Variants in ARHGEF40 observed in about 807,000 individuals in gnomAD.
The protein encoded by ARHGEF40 is Rho guanine nucleotide exchange factor 40.
Under a neutral mutation model 165.9 loss-of-function variants are expected in ARHGEF40, and 98 were observed. The ratio of observed to expected loss-of-function variants is 0.59; its 90% CI spans 0.50 to 0.70. ARHGEF40 has a LOEUF of 0.70. Ranked by LOEUF, ARHGEF40 falls within the 30% of genes least tolerant of loss-of-function variation. The pLI is 0.00. For synonymous variants in ARHGEF40, 792 were observed against 814.3 expected (o/e 0.97, Z 0.47); for missense variants, 1,815 against 1,968.0 (o/e 0.92, Z 1.47).
In ARHGEF40 at chr14:21,081,775, G is replaced by C. The variant is rs767294200; in HGVS notation, c.2907G>C (p.Arg969=). The C allele has an allele frequency of 1.9e-6, 3 of 1,592,244 alleles. No individual in the cohort carries two copies. Among genetic ancestry groups the C allele is most frequent in the Non-Finnish European group, 2.6e-6 (3 of 1,170,332 alleles). ...EASPRGYRRR[R]ADGASSGGAQ... ...GCCCACGGGGCTACCGACGACGGCGGGCAGACGGTGCCAGCAGTGGAGGGG... is the reference window on the plus strand; with the variant it reads ...GCCCACGGGGCTACCGACGACGGCGCGCAGACGGTGCCAGCAGTGGAGGGG... Residue 969 remains arginine, a synonymous_variant, in exon 14 of 24, where the codon CGG becomes CGC. Transcript: ENST00000298694.
At chr14:21,070,087 C>T (rs1346325131), upstream of ARHGEF40, among the ~76,000 whole-genome samples, 3 of 151,754 alleles carry the variant, frequency 2.0e-5, no homozygotes, top group African/African-American at 7.3e-5. The surrounding 1 kb of genome is among the most constrained non-coding windows in gnomAD (Gnocchi z 4.7). Flanking sequence ...AGAAGGTTGC[C>T]GGTGAACGGG....
rs1887050244 is a variant in ARHGEF40, at chr14:21,072,607, G to A, written c.4-438G>A. On this transcript the variant is annotated intron_variant, in intron 1 of 23. Transcript: ENST00000298694. The surrounding 1 kb of genome is among the most constrained non-coding windows in gnomAD (Gnocchi z 4.1). ...CCACCTAAGATGGGGAGCCCTGGAT[G>A]GTGGGTCTTATGGGAAGGGATTTGC... 1.3e-5 allele frequency among the ~76,000 whole-genome samples: 2 copies of A among 152,132 alleles called. No individual in the cohort carries two copies. Among genetic ancestry groups the A allele is most frequent in the African/African-American group, 4.8e-5 (2 of 41,422 alleles).
intron 11 of ARHGEF40, 70 bp downstream of exon 11, chr14:21,079,080 A>G: frequency 1.3e-6 from 2 of 1,540,772 alleles, no homozygotes; most frequent in Non-Finnish European, 1.8e-6. Context: ...TCCCGTTGGT[A>G]CTTATAGTTG....
At chr14:21,082,157 C>T in intron 14 of ARHGEF40, 38 bp downstream of exon 14, 1 of 1,562,702 alleles carries the variant, frequency 6.4e-7, no homozygotes. Context: ...GAGGCGGAGC[C>T]AACTGCCCAG....
chr14:21,080,707 T>C lies in ARHGEF40; in HGVS notation c.2421T>C (p.Phe807=), dbSNP rs1446558240. ...CAGGGGAGGAGCAGCTGGCAAGCTT[T>C]GCTATGCCTGGGGACACCTTGTCTG... ...SGPGEEQLAS[F]AMPGDTLSAL... The change falls in exon 12 of 24, where the codon TTT becomes TTC. Residue 807 remains phenylalanine, a synonymous_variant. Coordinates refer to ENST00000298694, the MANE Select transcript of ARHGEF40 (RefSeq NM_018071.5). 1 of 1,612,274 alleles carries C rather than the reference T, an allele frequency of 6.2e-7. No homozygotes were observed. Among genetic ancestry groups the C allele is most frequent in the East Asian group, 2.2e-5 (1 of 44,858 alleles).
At position 21,084,017 on chromosome 14, in the gene ARHGEF40, C is replaced by G. The variant is rs775615775; in HGVS notation, c.3756C>G (p.Asp1252Glu). Residue 1252 changes from aspartate (D) to glutamate (E), a missense_variant, in exon 17 of 24, where the codon GAC becomes GAG. By Grantham distance (45) the Asp-to-Glu change is conservative. Coordinates refer to ENST00000298694, the MANE Select transcript of ARHGEF40 (RefSeq NM_018071.5). Reference sequence around the variant, plus strand: ...GGGAACAAGAGGCCCGTGGCAGAGACCTGCTGGCCGTGGAGGCGGTGCGTG... The same window carrying G: ...GGGAACAAGAGGCCCGTGGCAGAGAGCTGCTGGCCGTGGAGGCGGTGCGTG... ...LLREQEARGRDLLAVEAVRGC... is the reference protein window; with the variant it reads ...LLREQEARGRELLAVEAVRGC... The G allele has an allele frequency of 1.9e-6, 3 of 1,611,768 alleles. No homozygotes were observed. In the Admixed American group the frequency reaches 5.0e-5, roughly 27 times the overall value.
In ARHGEF40 at chr14:21,082,339, C is replaced by A. The variant is rs754393228; in HGVS notation, c.3347C>A (p.Thr1116Lys). 1 of 1,612,550 alleles carries A rather than the reference C, an allele frequency of 6.2e-7. No homozygotes were observed. The highest frequency in any genetic ancestry group is 2.2e-5 in the East Asian group (1 of 44,888). ...GTGCCACCCCCTGGGCCTGAGCTGACGCCTGAACTTCGGGGCACCTGGGCT... is the reference window on the plus strand; with the variant it reads ...GTGCCACCCCCTGGGCCTGAGCTGAAGCCTGAACTTCGGGGCACCTGGGCT... ...EPVPPPGPEL[T>K]PELRGTWAAA... The change falls in exon 15 of 24, where the codon ACG becomes AAG. Residue 1116 changes from threonine (T) to lysine (K), a missense_variant. By Grantham distance (78) the Thr-to-Lys change is moderately conservative (BLOSUM62 -1). Transcript: ENST00000298694.
At chr14:21,076,041 A>G (rs1887389847) in intron 5 of ARHGEF40, among the ~76,000 whole-genome samples, 1 of 152,230 alleles carries the variant, frequency 6.6e-6, no homozygotes, top group Admixed American at 6.5e-5. Flanking sequence ...ACATTTATTG[A>G]GCACTGAGTA....
chr14:21,070,476 G>C lies in ARHGEF40; in HGVS notation c.3+77G>C. ...CTCCGGGCCCCCAAGTCCTCAGCCT[G>C]GTGCCTCCCGAGCCTGCCTCGGACT... is the stretch of plus-strand genomic sequence containing the variant. On this transcript the variant is annotated intron_variant, in intron 1 of 23. Transcript: ENST00000298694. The surrounding 1 kb of genome is among the most constrained non-coding windows in gnomAD (Gnocchi z 4.7). 7.4e-7 allele frequency: 1 copy of C among 1,347,924 alleles called. No homozygotes were observed. The highest frequency in any genetic ancestry group is 9.5e-7 in the Non-Finnish European group (1 of 1,053,328). 83.5% of individuals were successfully genotyped at this position (1,347,924 alleles called of 1,614,324 possible).
At position 21,087,347 on chromosome 14, in the gene ARHGEF40, T is replaced by C. The variant is rs775645836; in HGVS notation, c.4271T>C (p.Val1424Ala). The C allele has an allele frequency of 5.4e-5, 87 of 1,606,146 alleles. No individual in the cohort carries two copies. The South Asian group carries it at 9.2e-4, about 17-fold the overall frequency. Residue 1424 changes from valine to alanine, a missense_variant, in exon 21 of 24, where the codon GTG becomes GCG. By Grantham distance (64) the Val-to-Ala change is moderately conservative. Transcript: ENST00000298694. ...GCCCGCACCCGGGCCTCCGTGGCCG[T>C]GTCATCCTTTGAGCATGCCGGCCCC... ...RAARTRASVA[V>A]SSFEHAGPSL... is the part of the protein sequence containing the mutation.
In ARHGEF40 at chr14:21,089,960, T is replaced by C. The variant is rs551728925; in HGVS notation, c.*952T>C. The C allele has an allele frequency of 3.0e-5, 7 of 233,616 alleles. 1 individual carries two copies. In the South Asian group the frequency reaches 3.5e-4, roughly 12 times the overall value. 14.5% of individuals were successfully genotyped at this position (233,616 alleles called of 1,614,324 possible). A position where few individuals can be genotyped will look rare whatever the true frequency, so the allele number is the denominator to read the frequency against. On this transcript the variant is annotated 3_prime_UTR_variant, in exon 24 of 24. Coordinates refer to ENST00000298694, the MANE Select transcript of ARHGEF40 (RefSeq NM_018071.5). ...GAAACCTGGGGGTAAAACCCAATAT[T>C]CTGCATTTCTTATCAAACTCTTTGG... is the stretch of plus-strand genomic sequence containing the variant.
chr14:21,070,098 A>G (rs1449646388), upstream of ARHGEF40, among the ~76,000 whole-genome samples: 1 of 151,142 alleles, frequency 6.6e-6, no homozygotes, highest in African/African-American at 2.4e-5. The surrounding 1 kb of genome is among the most constrained non-coding windows in gnomAD (Gnocchi z 4.7). Context: ...GGTGAACGGG[A>G]CGGATAGGCT....
upstream of ARHGEF40, among the ~76,000 whole-genome samples, chr14:21,067,116 T>C (rs1024143880): frequency 4.6e-5 from 7 of 152,174 alleles, no homozygotes; most frequent in Non-Finnish European, 1.0e-4. Flanking sequence ...AAGATGGCAG[T>C]CATAGCTCTT....
chr14:21,065,581 T>C (rs1886220673), upstream of ARHGEF40, among the ~76,000 whole-genome samples: 1 of 151,926 alleles, frequency 6.6e-6, no homozygotes, highest in African/African-American at 2.4e-5. Flanking sequence ...ATGAAGAAAA[T>C]ACAACAGAAT....
chr14:21,064,429 G>GTAGCTGGGAT, the ARHGEF40 span, among the ~76,000 whole-genome samples: 2 of 152,132 alleles, frequency 1.3e-5, 1 homozygote, highest in African/African-American at 4.8e-5. Context: ...AGCCTCCCAA[G>GTAGCTGGGAT]TAGCTGGGAT....
rs1361966486 is a variant in ARHGEF40 at position 21,082,126 on chromosome 14, T to A, written c.3251+7T>A. ...AGCGCAAGCGAAGCATCAGGTGAGA[T>A]CCCAGCCCAACTGGTGCTAAGAGGC... On this transcript the variant is annotated splice_region_variant and intron_variant, in intron 14 of 23. Coordinates refer to ENST00000298694, the MANE Select transcript of ARHGEF40 (RefSeq NM_018071.5). The A allele has an allele frequency of 1.3e-6, 2 of 1,562,740 alleles. No homozygotes were observed. The highest frequency in any genetic ancestry group is 1.7e-6 in the Non-Finnish European group (2 of 1,152,968).
rs1489375344 is a variant in ARHGEF40, at chr14:21,076,822, G to A, written c.1966G>A (p.Glu656Lys). The A allele has an allele frequency of 6.2e-7, 1 of 1,613,944 alleles. No individual in the cohort carries two copies. Among genetic ancestry groups the A allele is most frequent in the African/African-American group, 1.3e-5 (1 of 74,906 alleles). The change falls in exon 8 of 24, where the codon GAG becomes AAG. Residue 656 changes from glutamate (E) to lysine (K), a missense_variant. Glu to Lys is a moderately conservative substitution (Grantham distance 56). Coordinates refer to ENST00000298694, the MANE Select transcript of ARHGEF40 (RefSeq NM_018071.5). ...TGATCTGAAAAGAGTGGCCAAGCCAGAGGAGCTGCAGTGGGAGTTAGGAGG... is the reference window on the plus strand; with the variant it reads ...TGATCTGAAAAGAGTGGCCAAGCCAAAGGAGCTGCAGTGGGAGTTAGGAGG... ...ENDLKRVAKP[E>K]ELQWELGGHR...
intron 8 of ARHGEF40, among the ~76,000 whole-genome samples, chr14:21,077,786 G>T (rs188811520): frequency 6.6e-6 from 1 of 152,338 alleles, no homozygotes; most frequent in East Asian, 1.9e-4. Context: ...TCTGTAGATG[G>T]TCTCTAAGCT....
Position 21,078,878 on chromosome 14 carries a change from C to T in ARHGEF40, c.2247-6C>T, listed in dbSNP as rs1887649420. On this transcript the variant is annotated splice_region_variant and splice_polypyrimidine_tract_variant and intron_variant, in intron 10 of 23. Transcript: ENST00000298694. ...AATGATTCATTCTTCTCTGCTCCTT[C>T]CCAAGGCTGGAGGGCCAAGGCCCAG... 6.2e-7 allele frequency: 1 copy of T among 1,611,694 alleles called. No individual in the cohort carries two copies. The highest frequency in any genetic ancestry group is 8.5e-7 in the Non-Finnish European group (1 of 1,177,926).
Sources: allele counts gnomAD v4.1 joint callset (sites outside exome capture counted in the v4.1 genomes callset), GRCh38; gene constraint gnomAD v4.1.1; non-coding constraint Gnocchi (gnomAD v3.1); transcripts MANE v1.5; gene names NCBI Gene and HGNC (gene_info 2026-07-23, HGNC 2026-07-21).